The following PIEZO2 variants were observed in gnomAD, a reference collection of about 807,000 sequenced individuals.
PIEZO2 encodes piezo-type mechanosensitive ion channel component 2.
In PIEZO2, 172 loss-of-function variants were observed where a neutral mutation model predicts 337.3. The observed-to-expected ratio is 0.51, with a 90% confidence interval of 0.45 to 0.58. The LOEUF is 0.58. PIEZO2 is among the 20% of genes least tolerant of loss of function. The pLI is 0.00. For missense variants in PIEZO2, 3,028 were observed against 3,391.3 expected (o/e 0.89, Z 2.66); for synonymous variants, 1,251 against 1,228.5 (o/e 1.02, Z -0.38).
chr18:10,742,365 C>A (rs1288523512), intron 32 of PIEZO2, 129 bp downstream of exon 32: 1 of 1,058,936 alleles, frequency 9.4e-7, no homozygotes, highest in Non-Finnish European at 1.3e-6. Context: ...GAAAATAAAG[C>A]TCGCTGAATC....
chr18:10,967,369 T>C (rs1205706934), intron 3 of PIEZO2, among the ~76,000 whole-genome samples: 4 of 152,160 alleles, frequency 2.6e-5, no homozygotes, highest in Non-Finnish European at 2.9e-5. Flanking sequence ...TTTGGGCTGG[T>C]TCCATATTTT....
intron 4 of PIEZO2, among the ~76,000 whole-genome samples, chr18:10,886,922 G>A (rs1206496602): frequency 2.0e-5 from 3 of 152,152 alleles, no homozygotes; most frequent in East Asian, 3.9e-4. Flanking sequence ...CAGGAACCAC[G>A]GTGCTGGCAT....
chr18:11,074,164 A>G (rs557592884), intron 1 of PIEZO2, among the ~76,000 whole-genome samples: 1 of 152,180 alleles, frequency 6.6e-6, no homozygotes, highest in East Asian at 1.9e-4. Context: ...CTTCTTTATC[A>G]AGTGTGATAC....
intron 36 of PIEZO2, among the ~76,000 whole-genome samples, 192 bp downstream of exon 36, chr18:10,731,215 A>ATATG (rs1290190163): frequency 5.4e-4 from 69 of 128,732 alleles, no homozygotes; most frequent in African/African-American, 1.9e-3. Flanking sequence ...ATATATATAT[A>ATATG]TATCTCCTAA....
At chr18:11,079,144 T>C (rs571188314) in intron 1 of PIEZO2, among the ~76,000 whole-genome samples, 2 of 152,322 alleles carry the variant, frequency 1.3e-5, no homozygotes, top group East Asian at 3.9e-4. Context: ...TCAGGTCTCC[T>C]AAACCCAGGC....
intron 27 of PIEZO2, among the ~76,000 whole-genome samples, chr18:10,755,243 T>C (rs901008114): frequency 2.0e-5 from 3 of 152,062 alleles, no homozygotes; most frequent in African/African-American, 4.8e-5. Context: ...ACTCCATGTG[T>C]GGGGTCGGCT....
At chr18:10,697,172 C>T (rs1052089113) in intron 45 of PIEZO2, among the ~76,000 whole-genome samples, 2 of 152,192 alleles carry the variant, frequency 1.3e-5, no homozygotes, top group African/African-American at 2.4e-5. Flanking sequence ...TTTGCCCTAT[C>T]TTTGCTCTGG....
In PIEZO2 at chr18:11,146,136, A is replaced by G. The variant is rs973733803; in HGVS notation, c.64+2389T>C. On this transcript the variant is annotated intron_variant, in intron 1 of 55. Coordinates refer to ENST00000674853, the MANE Select transcript of PIEZO2 (RefSeq NM_001378183.1). This position sits in a 1 kb window ranked among gnomAD's most constrained non-coding sequence, Gnocchi z 6.1. Reference sequence around the variant, plus strand: ...CAGGTTAGTCTCCCTGAACCCAGAGAGGTGTGGGAGTCCTGAAGAATGAGC... The same window carrying G: ...CAGGTTAGTCTCCCTGAACCCAGAGGGGTGTGGGAGTCCTGAAGAATGAGC... Among the ~76,000 whole-genome samples the G allele has an allele frequency of 2.0e-5, 3 of 152,066 alleles. No individual in the cohort carries two copies. The highest frequency in any genetic ancestry group is 2.9e-5 in the Non-Finnish European group (2 of 68,006).
chr18:10,817,555 C>T (rs2040397642), intron 7 of PIEZO2, among the ~76,000 whole-genome samples: 1 of 152,174 alleles, frequency 6.6e-6, no homozygotes, highest in African/African-American at 2.4e-5. Flanking sequence ...TTATGACCTT[C>T]TAAAGTTCTT....
intron 3 of PIEZO2, among the ~76,000 whole-genome samples, chr18:10,971,433 G>C (rs1047507599): frequency 6.6e-6 from 1 of 152,058 alleles, no homozygotes; most frequent in African/African-American, 2.4e-5. Context: ...CTTAGACAAG[G>C]AGACCTTGGT....
chr18:10,671,952 T>C (rs2033798992), intron 55 of PIEZO2, among the ~76,000 whole-genome samples, 173 bp from the exon 56 acceptor site: 1 of 152,202 alleles, frequency 6.6e-6, no homozygotes, highest in African/African-American at 2.4e-5. Flanking sequence ...ATTATAGAAT[T>C]ATTATAAATA....
chr18:10,861,042 G>C lies in PIEZO2; in HGVS notation c.493-3831C>G, dbSNP rs1369727149. On this transcript the variant is annotated intron_variant, in intron 5 of 55. Transcript: ENST00000674853. This position sits in a 1 kb window ranked among gnomAD's most constrained non-coding sequence, Gnocchi z 4.3. ...TAGGTCAGGGCCAGAACTGCCATTA[G>C]TCACGTCAGGCTGGCTTATTAACAG... Among the ~76,000 whole-genome samples the C allele has an allele frequency of 6.6e-6, 1 of 152,222 alleles. No homozygotes were observed. Among genetic ancestry groups the C allele is most frequent in the Non-Finnish European group, 1.5e-5 (1 of 68,044 alleles).
At chr18:10,736,482 A>G (rs2144114441) in intron 34 of PIEZO2, 122 bp downstream of exon 34, 1 of 1,357,836 alleles carries the variant, frequency 7.4e-7, no homozygotes, top group Admixed American at 2.8e-5. Flanking sequence ...GCAGATGTAA[A>G]TCAGAAGCTT....
chr18:10,843,139 A>T (rs1295588408), intron 7 of PIEZO2, among the ~76,000 whole-genome samples: 1 of 152,218 alleles, frequency 6.6e-6, no homozygotes, highest in Non-Finnish European at 1.5e-5. Context: ...TCTACAATCA[A>T]ACTGAAAAAT....
In PIEZO2 at chr18:10,797,493, CT is replaced by C; in HGVS notation, c.1407del (p.Glu470LysfsTer28). 1 of 1,537,140 alleles carries C rather than the reference CT, an allele frequency of 6.5e-7. No individual in the cohort carries two copies. Among genetic ancestry groups the C allele is most frequent in the Non-Finnish European group, 8.7e-7 (1 of 1,146,870 alleles). On this transcript the variant is annotated frameshift_variant, in exon 12 of 56. Transcript: ENST00000674853. LOFTEE classifies it high-confidence loss of function. ...CGGCTCCTTTCTTCTTCAAATTCTTCTTTCTCTTCCTCTTCCTCCTCTCGCT... is the reference window on the plus strand; with the variant it reads ...CGGCTCCTTTCTTCTTCAAATTCTTCTTCTCTTCCTCTTCCTCCTCTCGCT... ...SEKREEEEEE[K>X]EEFEEERSRE...
chr18:10,710,864 G>C (rs1386998664), intron 39 of PIEZO2, among the ~76,000 whole-genome samples: 2 of 152,182 alleles, frequency 1.3e-5, no homozygotes, highest in African/African-American at 4.8e-5. Context: ...TTGGAAATTA[G>C]AAATACAGCT....
At chr18:10,692,500 C>T (rs949989052) in intron 47 of PIEZO2, among the ~76,000 whole-genome samples, 1 of 139,300 alleles carries the variant, frequency 7.2e-6, no homozygotes, top group Non-Finnish European at 1.5e-5. Flanking sequence ...CTTTCTCTCT[C>T]TCTCACCCCT....
intron 47 of PIEZO2, among the ~76,000 whole-genome samples, chr18:10,694,072 C>T (rs982344948): frequency 6.6e-6 from 1 of 152,046 alleles, no homozygotes; most frequent in Admixed American, 6.5e-5. Flanking sequence ...GGTAACAATC[C>T]TTTATTTAGT....
intron 49 of PIEZO2, among the ~76,000 whole-genome samples, chr18:10,686,690 C>T (rs992257227): frequency 1.3e-5 from 2 of 151,956 alleles, no homozygotes; most frequent in Non-Finnish European, 1.5e-5. Flanking sequence ...TTGTTGGGGC[C>T]CACAGTGAAA....
Sources: gnomAD v4.1 joint callset for allele counts (sites outside exome capture counted in the v4.1 genomes callset) on GRCh38, gnomAD v4.1.1 for gene constraint, Gnocchi (gnomAD v3.1) non-coding constraint, MANE v1.5 for transcripts, NCBI Gene and HGNC (gene_info 2026-07-23, HGNC 2026-07-21) for gene names.